The following KBTBD2 variants were observed in gnomAD, a reference collection of about 807,000 sequenced individuals.
KBTBD2 encodes the protein kelch repeat and BTB domain containing 2, also known as kelch repeat and BTB domain-containing protein 2.
Under a neutral mutation model 57.1 loss-of-function variants are expected in KBTBD2, and 17 were observed. That is an observed-to-expected ratio of 0.30 (90% confidence interval 0.20 to 0.45). The LOEUF (loss-of-function observed/expected upper bound fraction) is 0.45, where lower values mean the gene tolerates loss of function less well. Among genes scored for constraint, KBTBD2 ranks in the 20% least tolerant of loss-of-function variants. The pLI, the probability that KBTBD2 is intolerant of heterozygous loss-of-function variation, is 1.00. For synonymous variants in KBTBD2, 267 were observed against 262.7 expected (o/e 1.02, Z -0.16); for missense variants, 515 against 750.6 (o/e 0.69, Z 3.67).
In KBTBD2 at chr7:32,869,340, C is replaced by T; in HGVS notation, c.*5G>A. 6.3e-7 allele frequency: 1 copy of T among 1,585,584 alleles called. No homozygotes were observed. The highest frequency in any genetic ancestry group is 8.6e-7 in the Non-Finnish European group (1 of 1,163,788). Reference sequence around the variant, plus strand: ...ACTCAGGCGTGCACTCCCTGAACTTCCCCACTATACAGGTGGTAGTGCAAC... The same window carrying T: ...ACTCAGGCGTGCACTCCCTGAACTTTCCCACTATACAGGTGGTAGTGCAAC... On this transcript the variant is annotated 3_prime_UTR_variant, in exon 4 of 4. Coordinates refer to ENST00000304056, the MANE Select transcript of KBTBD2 (RefSeq NM_015483.3).
intron 1 of KBTBD2, among the ~76,000 whole-genome samples, chr7:32,886,960 T>C (rs1374086905): frequency 6.7e-6 from 1 of 149,654 alleles, no homozygotes; most frequent in Non-Finnish European, 1.5e-5. Flanking sequence ...TTTTGGCTTT[T>C]TGGGGGGAGG....
intron 3 of KBTBD2, 123 bp from the exon 4 acceptor site, chr7:32,871,003 C>T (rs1545448): frequency 0.21 from 128,681 of 609,258 alleles, 15,274 homozygotes; most frequent in Admixed American, 0.43. Context: ...CAGATACACA[C>T]ATCTGGGCTG....
In KBTBD2 at chr7:32,870,071, G is replaced by T. The variant is rs1329109943; in HGVS notation, c.1146C>A (p.Ile382=). ...CTACGCTATCTCCTCCAATTGCATA[G>T]ATATAGCCTTCACAGCAAACCAAAG... ...KPSLVCCEGY[I]YAIGGDSVGG... Residue 382 remains isoleucine (I), a synonymous_variant, in exon 4 of 4, where the codon ATC becomes ATA. Coordinates refer to ENST00000304056, the MANE Select transcript of KBTBD2 (RefSeq NM_015483.3). The T allele has an allele frequency of 3.1e-6, 5 of 1,614,066 alleles. No homozygotes were observed. In the African/African-American group the frequency reaches 6.7e-5, roughly 22 times the overall value.
chr7:32,875,340 TG>T (rs1784286447), intron 2 of KBTBD2, among the ~76,000 whole-genome samples, 183 bp from the exon 3 acceptor site: 2 of 152,302 alleles, frequency 1.3e-5, no homozygotes, highest in African/African-American at 2.4e-5. Flanking sequence ...GGTACCATCA[TG>T]GCTCACCACA....
At chr7:32,875,316 G>A (rs896086798) in intron 2 of KBTBD2, among the ~76,000 whole-genome samples, 159 bp from the exon 3 acceptor site, 3 of 152,164 alleles carry the variant, frequency 2.0e-5, no homozygotes, top group Non-Finnish European at 4.4e-5. Context: ...CTGTCCCCCA[G>A]GCTGGAGTGC....
At chr7:32,888,518 C>A (rs149420510) in intron 1 of KBTBD2, among the ~76,000 whole-genome samples, 42 of 151,956 alleles carry the variant, frequency 2.8e-4, no homozygotes, top group African/African-American at 1.0e-3. Context: ...ACAGAATTTT[C>A]TGGAGTTGTG....
chr7:32,869,926 T>C lies in KBTBD2; in HGVS notation c.1291A>G (p.Ile431Val). The C allele has an allele frequency of 6.2e-7, 1 of 1,614,016 alleles. No homozygotes were observed. Among genetic ancestry groups the C allele is most frequent in the Non-Finnish European group, 8.5e-7 (1 of 1,179,994 alleles). ...WSAAVVVHDC[I>V]YVMTLNLMYC... The stretch of plus-strand genomic sequence containing the variant: ...ATGAGGTTCAGTGTCATCACATAAA[T>C]GCAGTCATGAACCACAACTGCTGCA... The change falls in exon 4 of 4, where the codon ATT becomes GTT. Residue 431 changes from isoleucine to valine, a missense_variant. Ile to Val is a conservative substitution (Grantham distance 29). Transcript: ENST00000304056.
At chr7:32,889,318 A>C (rs1377122635) in intron 1 of KBTBD2, among the ~76,000 whole-genome samples, 2 of 149,598 alleles carry the variant, frequency 1.3e-5, no homozygotes, top group Non-Finnish European at 1.5e-5. Context: ...ATTACTTGAG[A>C]TCGGCCGTCT....
intron 1 of KBTBD2, among the ~76,000 whole-genome samples, chr7:32,880,492 G>A (rs1330531692): frequency 6.6e-6 from 1 of 150,954 alleles, no homozygotes; most frequent in Non-Finnish European, 1.5e-5. Flanking sequence ...TATGTAATTT[G>A]TTTCTTTGTG....
chr7:32,887,585 G>A (rs1304614296), intron 1 of KBTBD2, among the ~76,000 whole-genome samples: 2 of 152,162 alleles, frequency 1.3e-5, no homozygotes, highest in African/African-American at 4.8e-5. Flanking sequence ...GGGGCAGTGC[G>A]GCTATAAATC....
chr7:32,891,859 G>A (rs1433556538), upstream of KBTBD2: 1 of 114,290 alleles, frequency 8.7e-6, no homozygotes, highest in Non-Finnish European at 1.9e-5. Context: ...TCAGTCCGGG[G>A]CCGCGAGACG....
Position 32,887,892 on chromosome 7 carries a change from T to C in KBTBD2, c.-339+3644A>G, listed in dbSNP as rs543458571. Among the ~76,000 whole-genome samples, 150 of 152,340 alleles carry C rather than the reference T, an allele frequency of 9.8e-4. 1 individual carries two copies. Among genetic ancestry groups the C allele is most frequent in the Middle Eastern group, 3.4e-3 (1 of 294 alleles). Reference sequence around the variant, plus strand: ...AAAGTACAACTCTCTTCTCAATGAATTGTTCTAGGATTACATTTCATACTT... The same window carrying C: ...AAAGTACAACTCTCTTCTCAATGAACTGTTCTAGGATTACATTTCATACTT... On this transcript the variant is annotated intron_variant, in intron 1 of 3. Transcript: ENST00000304056.
Position 32,869,259 on chromosome 7 carries a change from A to C in KBTBD2, c.*86T>G, listed in dbSNP as rs1784105217. ...ATCAAAGATAGAATTTTATGTACTCATATTTAGTTCTTTCATAGCCTCTTT... is the reference window on the plus strand; with the variant it reads ...ATCAAAGATAGAATTTTATGTACTCCTATTTAGTTCTTTCATAGCCTCTTT... On this transcript the variant is annotated 3_prime_UTR_variant, in exon 4 of 4. Coordinates refer to ENST00000304056, the MANE Select transcript of KBTBD2 (RefSeq NM_015483.3). The C allele has an allele frequency of 3.2e-6, 3 of 923,168 alleles. No individual in the cohort carries two copies. The highest frequency in any genetic ancestry group is 3.4e-5 in the South Asian group (2 of 59,310). 57.2% of individuals were successfully genotyped at this position (923,168 alleles called of 1,614,324 possible).
intron 2 of KBTBD2, among the ~76,000 whole-genome samples, chr7:32,879,152 C>T (rs1416996886): frequency 8.2e-6 from 1 of 122,124 alleles, no homozygotes; most frequent in Non-Finnish European, 1.7e-5. Context: ...GTAAATTATC[C>T]CATTTTTCTT....
chr7:32,888,675 A>C (rs1784644501), intron 1 of KBTBD2, among the ~76,000 whole-genome samples: 1 of 151,006 alleles, frequency 6.6e-6, no homozygotes, highest in African/African-American at 2.4e-5. Flanking sequence ...AGCCTGGGCG[A>C]CACAGCGAGA....
At chr7:32,891,983 C>T (rs893465330), upstream of KBTBD2, 1 of 122,892 alleles carries the variant, frequency 8.1e-6, no homozygotes, top group Non-Finnish European at 1.6e-5. Flanking sequence ...CCGCGCCCGC[C>T]CTCGCCACGC....
chr7:32,873,938 A>G (rs1253356749), intron 3 of KBTBD2, among the ~76,000 whole-genome samples: 1 of 152,178 alleles, frequency 6.6e-6, no homozygotes, highest in East Asian at 1.9e-4. Context: ...TTTACCTTCT[A>G]AAACACGTAA....
Position 32,870,682 on chromosome 7 carries a change from C to G in KBTBD2, c.535G>C (p.Asp179His). The G allele has an allele frequency of 6.2e-7, 1 of 1,613,848 alleles. No homozygotes were observed. The highest frequency in any genetic ancestry group is 8.5e-7 in the Non-Finnish European group (1 of 1,179,768). ...TTTAAATTGTCACTACTGAGAATAT[C>G]TATCAGTAGGTCATGTGACAGCTGC... is the stretch of plus-strand genomic sequence containing the variant. ...FMQLSHDLLI[D>H]ILSSDNLNVE... Residue 179 changes from aspartate to histidine, a missense_variant, in exon 4 of 4, where the codon GAT (aspartate) becomes CAT (histidine). Transcript: ENST00000304056.
At chr7:32,885,113 C>A (rs937463634) in intron 1 of KBTBD2, among the ~76,000 whole-genome samples, 1 of 150,812 alleles carries the variant, frequency 6.6e-6, no homozygotes, top group African/African-American at 2.4e-5. Flanking sequence ...TACGTTCAAG[C>A]GATCCACTTG....
Sources: gnomAD v4.1 joint callset for allele counts (sites outside exome capture counted in the v4.1 genomes callset) on GRCh38, gnomAD v4.1.1 for gene constraint, MANE v1.5 for transcripts, NCBI Gene and HGNC (gene_info 2026-07-23, HGNC 2026-07-21) for gene names.